Variants in GPHN observed in about 807,000 individuals in gnomAD.
GPHN encodes gephyrin.
In GPHN, 17 loss-of-function variants were observed where a neutral mutation model predicts 95.5. The observed-to-expected ratio is 0.18, with a 90% CI of 0.12 to 0.27. The LOEUF (loss-of-function observed/expected upper bound fraction) is 0.27, where lower values mean the gene tolerates loss of function less well. GPHN is among the 10% of genes least tolerant of loss of function. The probability of loss-of-function intolerance (pLI) is 1.00; values close to 1 mark genes in which losing one functional copy is unlikely to be tolerated. For synonymous variants in GPHN, 320 were observed against 322.5 expected (o/e 0.99, Z 0.08); for missense variants, 660 against 978.1 (o/e 0.67, Z 4.34).
intron 4 of GPHN, among the ~76,000 whole-genome samples, chr14:66,829,080 G>GC (rs748722904): frequency 3.1e-5 from 4 of 130,306 alleles, no homozygotes; most frequent in Non-Finnish European, 6.5e-5. Flanking sequence ...TAGATTGCTT[G>GC]CCTTTTTTTT....
At chr14:67,657,969 G>A in the GPHN span, among the ~76,000 whole-genome samples, 905 of 151,942 alleles carry the variant, frequency 6.0e-3, 5 homozygotes, top group Middle Eastern at 0.014. Context: ...GGCTGGTCTC[G>A]AACTCCTGAC....
intron 1 of GPHN, among the ~76,000 whole-genome samples, chr14:66,516,754 C>A (rs1396906160): frequency 6.6e-6 from 1 of 152,040 alleles, no homozygotes; most frequent in East Asian, 1.9e-4. Context: ...ATTTCTTGTT[C>A]TTTTAAAAAA....
chr14:67,410,670 G>C, the GPHN span, among the ~76,000 whole-genome samples: 1 of 152,208 alleles, frequency 6.6e-6, no homozygotes, highest in African/African-American at 2.4e-5. Flanking sequence ...AAATGAAAGT[G>C]ATGTGAGACT....
the GPHN span, chr14:67,695,803 C>A: frequency 7.1e-6 from 8 of 1,127,604 alleles, no homozygotes; most frequent in Non-Finnish European, 1.0e-5. Flanking sequence ...TGCGACAGCC[C>A]GGGGAGCAGA....
the GPHN span, chr14:67,382,263 A>G: frequency 6.3e-6 from 3 of 473,318 alleles, no homozygotes; most frequent in Admixed American, 7.8e-5. Flanking sequence ...CTTTTGCTAC[A>G]TTAACAAATC....
the GPHN span, chr14:67,662,614 A>C: frequency 7.6e-7 from 1 of 1,314,632 alleles, no homozygotes; most frequent in Non-Finnish European, 1.1e-6. Flanking sequence ...GCTTCGAATA[A>C]GCTTCCTATG....
At chr14:66,693,619 C>T (rs572317391) in intron 2 of GPHN, among the ~76,000 whole-genome samples, 12 of 152,226 alleles carry the variant, frequency 7.9e-5, no homozygotes, top group East Asian at 3.9e-4. Flanking sequence ...TGCTCTATTT[C>T]GGTCCCCTCT....
chr14:67,579,624 T>C, the GPHN span: 3 of 1,235,478 alleles, frequency 2.4e-6, no homozygotes, highest in South Asian at 1.5e-5. Flanking sequence ...TATTTGCCCT[T>C]GCTCCTTTCC....
intron 2 of GPHN, among the ~76,000 whole-genome samples, chr14:66,711,495 A>G (rs151081568): frequency 0.013 from 2,025 of 152,040 alleles, 22 homozygotes; most frequent in Middle Eastern, 0.021. Flanking sequence ...GTGCTGCCAT[A>G]AACATGCGTG....
At chr14:67,642,427 CTTCT>C in the GPHN span, 11 of 1,543,848 alleles carry the variant, frequency 7.1e-6, no homozygotes, top group South Asian at 1.2e-5. Context: ...CATAACTTAG[CTTCT>C]TTATCTGTTT....
At chr14:67,713,413 A>G in the GPHN span, among the ~76,000 whole-genome samples, 1 of 151,370 alleles carries the variant, frequency 6.6e-6, no homozygotes, top group African/African-American at 2.4e-5. Context: ...AAAAAAAAAA[A>G]AAAAAAAAAA....
At chr14:67,125,776 C>CAA (rs758111687) in intron 17 of GPHN, among the ~76,000 whole-genome samples, 3 of 92,092 alleles carry the variant, frequency 3.3e-5, no homozygotes, top group Non-Finnish European at 4.5e-5. Flanking sequence ...GACTCTGTCT[C>CAA]AAAAAAAAAA....
intron 2 of GPHN, among the ~76,000 whole-genome samples, chr14:66,750,352 A>G (rs2058321503): frequency 6.6e-6 from 1 of 151,786 alleles, no homozygotes; most frequent in African/African-American, 2.4e-5. Context: ...TGGGATTCCA[A>G]TTTTGGCTCT....
chr14:67,254,041 A>T, the GPHN span, among the ~76,000 whole-genome samples: 2 of 120,716 alleles, frequency 1.7e-5, no homozygotes, highest in Admixed American at 9.6e-5. Context: ...CCCCCTTACA[A>T]GTTTTCTTAG....
the GPHN span, chr14:67,311,916 G>A: frequency 6.6e-6 from 1 of 152,604 alleles, no homozygotes; most frequent in Admixed American, 6.5e-5. Flanking sequence ...AACGCCAAGA[G>A]AGTTTAAGGC....
chr14:67,331,256 G>A, the GPHN span, among the ~76,000 whole-genome samples: 12,228 of 152,132 alleles, frequency 0.08, 1,170 homozygotes, highest in African/African-American at 0.23. Context: ...TGTTGGCCAG[G>A]CTGGTCTCAA....
At chr14:66,971,679 G>GA in intron 9 of GPHN, among the ~76,000 whole-genome samples, 1 of 152,222 alleles carries the variant, frequency 6.6e-6, no homozygotes, top group African/African-American at 2.4e-5. Flanking sequence ...AAGGTTAGTT[G>GA]AAATGTTGAA....
chr14:67,581,582 C>T, the GPHN span: 3 of 169,968 alleles, frequency 1.8e-5, no homozygotes, highest in South Asian at 4.1e-4. Flanking sequence ...AAGTGTGTTA[C>T]TTTATGAGAG....
the GPHN span, chr14:67,725,270 G>A: frequency 4.3e-6 from 7 of 1,612,374 alleles, no homozygotes; most frequent in Non-Finnish European, 5.9e-6. Flanking sequence ...GTCCTGATGG[G>A]TAGGTAGAAA....
Sources: gnomAD v4.1 joint callset for allele counts (sites outside exome capture counted in the v4.1 genomes callset) on GRCh38, gnomAD v4.1.1 for gene constraint, MANE v1.5 for transcripts, NCBI Gene and HGNC (gene_info 2026-07-23, HGNC 2026-07-21) for gene names.